The following DCLK1 variants were observed in gnomAD, a reference collection of about 807,000 sequenced individuals.
DCLK1 encodes the protein doublecortin like kinase 1.
Under a neutral mutation model 86.2 loss-of-function variants are expected in DCLK1, and 16 were observed. The observed-to-expected ratio is 0.19, with a 90% confidence interval of 0.13 to 0.28. The LOEUF (loss-of-function observed/expected upper bound fraction) is 0.28. Among genes scored for constraint, DCLK1 ranks in the 10% least tolerant of loss-of-function variants. The pLI, the probability that DCLK1 is intolerant of heterozygous loss-of-function variation, is 1.00. For synonymous variants in DCLK1, 369 were observed against 370.5 expected (o/e 1.00, Z 0.05); for missense variants, 590 against 940.2 (o/e 0.63, Z 4.87).
At chr13:35,975,271 C>A (rs777771503) in intron 3 of DCLK1, among the ~76,000 whole-genome samples, 19 of 152,204 alleles carry the variant, frequency 1.2e-4, no homozygotes, top group Non-Finnish European at 2.8e-4. Flanking sequence ...ACACTTATGA[C>A]CTGTTCTGGA....
intron 3 of DCLK1, among the ~76,000 whole-genome samples, chr13:35,979,278 G>A (rs1281577359): frequency 6.6e-6 from 1 of 152,156 alleles, no homozygotes; most frequent in Non-Finnish European, 1.5e-5. Context: ...AATACAGCCC[G>A]GGATTCAGAA....
At chr13:36,077,533 A>G (rs1327592959) in intron 3 of DCLK1, among the ~76,000 whole-genome samples, 1 of 152,228 alleles carries the variant, frequency 6.6e-6, no homozygotes, top group East Asian at 1.9e-4. Context: ...TCAGGCAGCC[A>G]GAAGTCTATT....
rs569370770 is a variant in DCLK1, at chr13:36,026,244, C to A, written c.724-78787G>T. 1.2e-4 allele frequency among the ~76,000 whole-genome samples: 18 copies of A among 152,210 alleles called. No homozygotes were observed. The East Asian group carries it at 3.3e-3, about 28-fold the overall frequency. Reference sequence around the variant, plus strand: ...TTAGAAATAACCTGACACTTGTCAGCTTTTTTAAAGAATATGCTAGAGCAG... The same window carrying A: ...TTAGAAATAACCTGACACTTGTCAGATTTTTTAAAGAATATGCTAGAGCAG... On this transcript the variant is annotated intron_variant, in intron 3 of 16. Coordinates refer to ENST00000360631, the MANE Select transcript of DCLK1 (RefSeq NM_001330071.2).
chr13:36,080,721 CCA>C (rs1884393521), intron 3 of DCLK1, among the ~76,000 whole-genome samples: 2 of 152,132 alleles, frequency 1.3e-5, no homozygotes, highest in African/African-American at 2.4e-5. Context: ...AGTCAGATTT[CCA>C]CAGTTATTTT....
At chr13:36,090,525 G>A (rs1344976991) in intron 3 of DCLK1, among the ~76,000 whole-genome samples, 3 of 152,106 alleles carry the variant, frequency 2.0e-5, no homozygotes, top group East Asian at 1.9e-4. Context: ...GATTTTACAC[G>A]CCACGCTGGG....
chr13:36,020,613 G>T (rs1391729320), intron 3 of DCLK1, among the ~76,000 whole-genome samples: 3 of 152,040 alleles, frequency 2.0e-5, no homozygotes, highest in African/African-American at 7.2e-5. Context: ...GTCCCTCAGT[G>T]ACCTGCAAGA....
Position 35,768,842 on chromosome 13 carries a change from A to C in DCLK1, c.*5693T>G, listed in dbSNP as rs2153096033. Reference sequence around the variant, plus strand: ...AATTTTTAAAGCCTTGCATAGAGAGAATTCCCCCTAAGAACACAGCTGGGC... The same window carrying C: ...AATTTTTAAAGCCTTGCATAGAGAGCATTCCCCCTAAGAACACAGCTGGGC... On this transcript the variant is annotated 3_prime_UTR_variant, in exon 17 of 17. Transcript: ENST00000360631. The C allele has an allele frequency of 6.6e-6, 1 of 152,362 alleles. No homozygotes were observed. The highest frequency in any genetic ancestry group is 2.1e-4 in the South Asian group (1 of 4,824). The allele number at this position is 152,362 out of a possible 1,614,324, so 9.4% of individuals were successfully genotyped here.
At chr13:35,887,584 T>G (rs945994076) in intron 4 of DCLK1, among the ~76,000 whole-genome samples, 2 of 152,106 alleles carry the variant, frequency 1.3e-5, no homozygotes, top group Non-Finnish European at 2.9e-5. Context: ...AACGGGAATT[T>G]GGGAAATTCT....
intron 16 of DCLK1, among the ~76,000 whole-genome samples, chr13:35,790,032 C>A (rs1377137615): frequency 6.6e-6 from 1 of 152,158 alleles, no homozygotes; most frequent in Admixed American, 6.6e-5. Context: ...AGCACCTTTC[C>A]TCCTTCAGGA....
At chr13:35,786,500 C>A (rs535806461) in intron 16 of DCLK1, among the ~76,000 whole-genome samples, 1 of 152,278 alleles carries the variant, frequency 6.6e-6, no homozygotes, top group Admixed American at 6.5e-5. Context: ...AGTGTTTACC[C>A]TCGAGGTGAA....
chr13:35,922,445 C>G (rs1419233146), intron 4 of DCLK1, among the ~76,000 whole-genome samples: 1 of 152,162 alleles, frequency 6.6e-6, no homozygotes. Context: ...GTCTTGATTG[C>G]CTATTAGATA....
chr13:36,093,497 AC>A (rs1884907224), intron 3 of DCLK1, among the ~76,000 whole-genome samples: 1 of 152,214 alleles, frequency 6.6e-6, no homozygotes, highest in African/African-American at 2.4e-5. Flanking sequence ...TGATTAAAGT[AC>A]CATATATTAT....
At chr13:36,131,789 G>A (rs980878773), upstream of DCLK1, among the ~76,000 whole-genome samples, 13 of 152,182 alleles carry the variant, frequency 8.5e-5, no homozygotes, top group Non-Finnish European at 1.6e-4. Context: ...TGACCTCACG[G>A]TCTGACACCT....
At chr13:35,855,677 A>G in intron 5 of DCLK1, 1 of 1,399,538 alleles carries the variant, frequency 7.1e-7, no homozygotes, top group Non-Finnish European at 9.4e-7. Flanking sequence ...TGCAGGATTC[A>G]TCAGCAGATG....
intron 3 of DCLK1, among the ~76,000 whole-genome samples, chr13:36,033,476 C>A (rs1882363590): frequency 6.6e-6 from 1 of 152,058 alleles, no homozygotes; most frequent in Non-Finnish European, 1.5e-5. Flanking sequence ...CAGTTTAAAC[C>A]ATTTATTCTT....
At chr13:36,044,129 C>T (rs1036083007) in intron 3 of DCLK1, among the ~76,000 whole-genome samples, 3 of 152,154 alleles carry the variant, frequency 2.0e-5, no homozygotes, top group Non-Finnish European at 4.4e-5. Flanking sequence ...CAATTTCCTT[C>T]CCCTCTCTTG....
At chr13:35,796,546 C>T (rs2086815589) in intron 15 of DCLK1, among the ~76,000 whole-genome samples, 3 of 152,134 alleles carry the variant, frequency 2.0e-5, no homozygotes, top group African/African-American at 7.2e-5. Context: ...AGGAAGGTGA[C>T]ACAAGTGTTA....
At chr13:36,096,927 G>A (rs186238334) in intron 3 of DCLK1, among the ~76,000 whole-genome samples, 3 of 152,218 alleles carry the variant, frequency 2.0e-5, no homozygotes, top group African/African-American at 2.4e-5. Flanking sequence ...CAGAAATGCC[G>A]TATGTGCAAA....
chr13:35,921,075 C>T (rs561082423), intron 4 of DCLK1, among the ~76,000 whole-genome samples: 1 of 152,276 alleles, frequency 6.6e-6, no homozygotes, highest in African/African-American at 2.4e-5. Context: ...CTGGGTCCCT[C>T]CAATCCATTC....
Sources: allele counts gnomAD v4.1 joint callset (sites outside exome capture counted in the v4.1 genomes callset), GRCh38; gene constraint gnomAD v4.1.1; transcripts MANE v1.5; gene names NCBI Gene and HGNC (gene_info 2026-07-23, HGNC 2026-07-21).